Variants in GRIK2 observed in about 807,000 individuals in gnomAD.
The protein encoded by GRIK2 is glutamate receptor ionotropic, kainate 2.
GRIK2 carries 32 observed loss-of-function variants against 100.3 expected under a neutral mutation model. The ratio of observed to expected loss-of-function variants is 0.32; its 90% confidence interval spans 0.24 to 0.43. GRIK2 has a LOEUF of 0.43. GRIK2 is among the 20% of genes least tolerant of loss of function. GRIK2 has a pLI of 1.00. For synonymous variants in GRIK2, 417 were observed against 389.4 expected (o/e 1.07, Z -0.83); for missense variants, 843 against 1,114.9 (o/e 0.76, Z 3.47).
At chr6:101,999,906 T>C (rs1045264784) in intron 14 of GRIK2, among the ~76,000 whole-genome samples, 6 of 152,220 alleles carry the variant, frequency 3.9e-5, no homozygotes, top group Non-Finnish European at 8.8e-5. Flanking sequence ...TCGATTTATC[T>C]TATACTTTTT....
At chr6:101,595,955 A>T (rs1212866924) in intron 2 of GRIK2, among the ~76,000 whole-genome samples, 110 of 141,960 alleles carry the variant, frequency 7.7e-4, no homozygotes, top group Middle Eastern at 3.6e-3. Flanking sequence ...ATTCATTAAA[A>T]TTTTTTTTTT....
intron 14 of GRIK2, among the ~76,000 whole-genome samples, chr6:101,967,156 C>T (rs538677337): frequency 1.1e-4 from 16 of 151,682 alleles, no homozygotes; most frequent in Non-Finnish European, 1.2e-4. Flanking sequence ...TTATTAGTAA[C>T]CTAGTATACA....
At chr6:101,499,466 G>A (rs1562182430) in intron 2 of GRIK2, among the ~76,000 whole-genome samples, 1 of 151,910 alleles carries the variant, frequency 6.6e-6, no homozygotes, top group South Asian at 2.1e-4. Flanking sequence ...ATAAAGCTTA[G>A]GACTATATTG....
At chr6:101,974,152 A>C (rs965546049) in intron 14 of GRIK2, among the ~76,000 whole-genome samples, 18 of 151,890 alleles carry the variant, frequency 1.2e-4, no homozygotes, top group African/African-American at 4.1e-4. Context: ...TCTTTTTGTA[A>C]ATAATTGTGA....
intron 2 of GRIK2, among the ~76,000 whole-genome samples, chr6:101,549,291 A>T: frequency 6.6e-6 from 1 of 151,132 alleles, no homozygotes; most frequent in Admixed American, 6.6e-5. Flanking sequence ...AAAAAAAAAG[A>T]TTGTATGTAG....
intron 14 of GRIK2, among the ~76,000 whole-genome samples, chr6:102,023,126 T>C (rs896923507): frequency 1.3e-5 from 2 of 151,296 alleles, no homozygotes; most frequent in African/African-American, 2.4e-5. Flanking sequence ...ATGGTGATCA[T>C]TGGCATATTT....
chr6:101,834,877 C>T (rs1782961546), intron 10 of GRIK2, among the ~76,000 whole-genome samples: 1 of 152,026 alleles, frequency 6.6e-6, no homozygotes, highest in Non-Finnish European at 1.5e-5. Flanking sequence ...TTTTGACATG[C>T]ACCTGTGGTC....
chr6:102,032,091 C>T (rs1770030920), intron 14 of GRIK2, among the ~76,000 whole-genome samples: 1 of 151,030 alleles, frequency 6.6e-6, no homozygotes, highest in Non-Finnish European at 1.5e-5. Flanking sequence ...TGGGATTATC[C>T]AAGGGAAATA....
intron 14 of GRIK2, among the ~76,000 whole-genome samples, chr6:101,955,705 A>C (rs995081834): frequency 6.6e-6 from 1 of 151,634 alleles, no homozygotes; most frequent in Non-Finnish European, 1.5e-5. Context: ...TTGTGGCCAC[A>C]CAGCTATACA....
At chr6:101,429,643 T>C (rs1004521189) in intron 2 of GRIK2, among the ~76,000 whole-genome samples, 2 of 152,154 alleles carry the variant, frequency 1.3e-5, no homozygotes, top group East Asian at 1.9e-4. Context: ...GGAAGAAAAA[T>C]GTAACAGACT....
intron 4 of GRIK2, among the ~76,000 whole-genome samples, chr6:101,675,334 AAC>A (rs1770755725): frequency 7.6e-6 from 1 of 132,226 alleles, no homozygotes; most frequent in South Asian, 2.3e-4. Context: ...ACACTCGAGA[AAC>A]AGAGAGAAGG....
intron 2 of GRIK2, among the ~76,000 whole-genome samples, chr6:101,497,981 AG>A (rs1158447829): frequency 6.6e-6 from 1 of 150,526 alleles, no homozygotes; most frequent in Non-Finnish European, 1.5e-5. Context: ...CTCATCATTT[AG>A]CATTAGGTAT....
chr6:101,511,598 A>G (rs1774320870), intron 2 of GRIK2, among the ~76,000 whole-genome samples: 1 of 151,984 alleles, frequency 6.6e-6, no homozygotes, highest in African/African-American at 2.4e-5. Flanking sequence ...TAAAAAGATT[A>G]TTGTCTTAAC....
chr6:101,696,874 G>T (rs1772527662), intron 7 of GRIK2, among the ~76,000 whole-genome samples: 2 of 151,992 alleles, frequency 1.3e-5, no homozygotes, highest in African/African-American at 4.8e-5. Context: ...TACTTTAGAT[G>T]TGCAGCCAGA....
intron 4 of GRIK2, among the ~76,000 whole-genome samples, chr6:101,666,179 T>C (rs1057109721): frequency 2.6e-5 from 4 of 152,162 alleles, no homozygotes; most frequent in Admixed American, 6.6e-5. Flanking sequence ...ATACAATTTA[T>C]AGCAGCAAAA....
chr6:101,956,581 A>T (rs1326978460), intron 14 of GRIK2, among the ~76,000 whole-genome samples: 1 of 151,722 alleles, frequency 6.6e-6, no homozygotes, highest in Non-Finnish European at 1.5e-5. Context: ...TACCCTGTCT[A>T]TGTCCATGTG....
At chr6:101,707,811 C>T (rs1417312906) in intron 7 of GRIK2, among the ~76,000 whole-genome samples, 4 of 151,494 alleles carry the variant, frequency 2.6e-5, no homozygotes, top group African/African-American at 7.3e-5. Context: ...ATTGCAAGAT[C>T]TCTCAGTAGT....
chr6:101,824,015 T>C (rs962932227), intron 10 of GRIK2, among the ~76,000 whole-genome samples: 16 of 151,954 alleles, frequency 1.1e-4, no homozygotes, highest in African/African-American at 3.9e-4. Flanking sequence ...TTACAAGCAC[T>C]GCCACCATGC....
At chr6:101,457,098 C>G (rs1341552525) in intron 2 of GRIK2, among the ~76,000 whole-genome samples, 1 of 152,084 alleles carries the variant, frequency 6.6e-6, no homozygotes, top group Admixed American at 6.6e-5. Context: ...TTAGGCAAAG[C>G]TATGACTATA....
Sources: allele counts gnomAD v4.1 joint callset (sites outside exome capture counted in the v4.1 genomes callset), GRCh38; gene constraint gnomAD v4.1.1; transcripts MANE v1.5; gene names NCBI Gene and HGNC (gene_info 2026-07-23, HGNC 2026-07-21).